Variants in TSPAN7 observed in about 807,000 individuals in gnomAD.
The protein encoded by TSPAN7 is tetraspanin 7.
TSPAN7 carries 1 observed loss-of-function variant against 17.6 expected under a neutral mutation model. That is an observed-to-expected ratio of 0.06 (90% CI 0.02 to 0.27). The LOEUF (loss-of-function observed/expected upper bound fraction) is 0.27, where lower values mean the gene tolerates loss of function less well. Ranked by LOEUF, TSPAN7 falls within the 10% of genes least tolerant of loss-of-function variation. TSPAN7 has a pLI of 1.00. For synonymous variants in TSPAN7, 78 were observed against 79.0 expected (o/e 0.99, Z 0.07); for missense variants, 112 against 201.7 (o/e 0.56, Z 2.69).
intron 1 of TSPAN7, among the ~76,000 whole-genome samples, chrX:38,603,871 T>A (rs1183644371): frequency 9.2e-6 from 1 of 108,929 alleles, no homozygotes; most frequent in East Asian, 2.9e-4. Context: ...TTATTTATTT[T>A]TTATTTTATT....
chrX:38,648,060 C>T (rs978858280), intron 1 of TSPAN7, among the ~76,000 whole-genome samples: 1 of 111,854 alleles, frequency 8.9e-6, no homozygotes, highest in Non-Finnish European at 1.9e-5. Context: ...CACTACTTAG[C>T]TTTCTCTGAG....
intron 1 of TSPAN7, among the ~76,000 whole-genome samples, chrX:38,611,700 A>G (rs758553040): frequency 2.7e-5 from 3 of 111,725 alleles, no homozygotes; most frequent in Non-Finnish European, 5.6e-5. Flanking sequence ...AGATTCTTGT[A>G]CTCTTTGTAA....
At position 38,630,975 on chromosome X, in the gene TSPAN7, A is replaced by G. The variant is rs183505166; in HGVS notation, c.82-35146A>G. Among the ~76,000 whole-genome samples the G allele has an allele frequency of 5.3e-5, 6 of 112,379 alleles. No homozygotes were observed. The East Asian group carries it at 8.3e-4, about 16-fold the overall frequency. On this transcript the variant is annotated intron_variant, in intron 1 of 7. Transcript: ENST00000378482. Reference sequence around the variant, plus strand: ...ATACATTTCTTTGAGTCAAAGAGGGATGGATATATTTTTCCCCTTTAAATT... The same window carrying G: ...ATACATTTCTTTGAGTCAAAGAGGGGTGGATATATTTTTCCCCTTTAAATT...
chrX:38,608,290 T>C (rs2069397059), intron 1 of TSPAN7: 1 of 110,246 alleles, frequency 9.1e-6, no homozygotes, highest in Non-Finnish European at 1.9e-5. Flanking sequence ...CCAAAAAATA[T>C]ATATATATAT....
At chrX:38,578,030 A>G (rs1296762135) in intron 1 of TSPAN7, among the ~76,000 whole-genome samples, 2 of 110,034 alleles carry the variant, frequency 1.8e-5, no homozygotes, top group Non-Finnish European at 3.8e-5. Context: ...CTGAGTGGGT[A>G]TGATTCCTAG....
At chrX:38,608,878 T>G (rs1173310150) in intron 1 of TSPAN7, among the ~76,000 whole-genome samples, 2 of 111,764 alleles carry the variant, frequency 1.8e-5, no homozygotes, top group African/African-American at 6.5e-5. Context: ...TCGCAGATAT[T>G]TTCCCATTTC....
Position 38,633,298 on chromosome X carries a change from A to G in TSPAN7, c.82-32823A>G, listed in dbSNP as rs184830872. Among the ~76,000 whole-genome samples the G allele has an allele frequency of 2.1e-3, 235 of 111,881 alleles. 1 individual carries two copies. Among genetic ancestry groups the G allele is most frequent in the Non-Finnish European group, 3.3e-3 (178 of 53,139 alleles). ...TAGCCGTCAAGTAGTTGTTGAGCAC[A>G]TACTTTGATTAAGGCCTTACAAAGT... On this transcript the variant is annotated intron_variant, in intron 1 of 7. Transcript: ENST00000378482.
At chrX:38,681,688 C>A (rs772383850) in intron 6 of TSPAN7, among the ~76,000 whole-genome samples, 1 of 111,854 alleles carries the variant, frequency 8.9e-6, no homozygotes, top group Non-Finnish European at 1.9e-5. Flanking sequence ...CTATGTATTA[C>A]AGATGAGATC....
chrX:38,645,792 G>A (rs934348722), intron 1 of TSPAN7, among the ~76,000 whole-genome samples: 1 of 111,796 alleles, frequency 8.9e-6, no homozygotes, highest in Non-Finnish European at 1.9e-5. Flanking sequence ...TCTTGGTAGC[G>A]TGCATGGCTG....
chrX:38,585,910 C>T (rs935364555), intron 1 of TSPAN7, among the ~76,000 whole-genome samples: 2 of 112,773 alleles, frequency 1.8e-5, no homozygotes, highest in African/African-American at 6.4e-5. Context: ...AGTCCCTCAC[C>T]AGAAGCAGAT....
intron 1 of TSPAN7, among the ~76,000 whole-genome samples, chrX:38,583,158 A>ATG (rs2069236663): frequency 8.9e-6 from 1 of 112,529 alleles, no homozygotes; most frequent in Non-Finnish European, 1.9e-5. Flanking sequence ...TGTGCTGATA[A>ATG]AAGACCCATT....
chrX:38,663,062 C>T (rs1379858544), intron 1 of TSPAN7, among the ~76,000 whole-genome samples: 1 of 110,201 alleles, frequency 9.1e-6, no homozygotes. Flanking sequence ...AAAAGAAACA[C>T]GTTTATAGCA....
intron 6 of TSPAN7, among the ~76,000 whole-genome samples, chrX:38,684,088 C>G (rs1049292548): frequency 1.2e-4 from 13 of 112,107 alleles, no homozygotes; most frequent in African/African-American, 4.2e-4. Context: ...TTTGCTTGCT[C>G]TTGTGACCTC....
chrX:38,675,663 T>G (rs775871025), intron 4 of TSPAN7, 42 bp from the exon 5 acceptor site: 20 of 1,208,214 alleles, frequency 1.7e-5, no homozygotes, highest in Non-Finnish European at 2.2e-5. Context: ...AGACCACATT[T>G]GATCTGCCAT....
At chrX:38,605,589 G>A (rs1220274826) in intron 1 of TSPAN7, among the ~76,000 whole-genome samples, 1 of 105,697 alleles carries the variant, frequency 9.5e-6, no homozygotes, top group African/African-American at 3.5e-5. Flanking sequence ...CCAAAAAAGA[G>A]CCCGCATCGC....
intron 1 of TSPAN7, among the ~76,000 whole-genome samples, chrX:38,629,635 C>G (rs1255915747): frequency 2.7e-5 from 3 of 111,369 alleles, no homozygotes; most frequent in Non-Finnish European, 5.7e-5. Context: ...TGCTTAGGAC[C>G]AAATATCTAA....
chrX:38,669,917 T>C (rs1024953402), intron 2 of TSPAN7, among the ~76,000 whole-genome samples: 2 of 111,772 alleles, frequency 1.8e-5, no homozygotes, highest in Non-Finnish European at 3.8e-5. Flanking sequence ...ATCAGCAAAA[T>C]GGGAGAGTCT....
chrX:38,607,307 C>T (rs1392760264), intron 1 of TSPAN7, among the ~76,000 whole-genome samples: 1 of 111,784 alleles, frequency 8.9e-6, no homozygotes, highest in African/African-American at 3.2e-5. Flanking sequence ...AAAGATAATC[C>T]AGAGACCTGC....
intron 1 of TSPAN7, among the ~76,000 whole-genome samples, chrX:38,649,663 CA>C (rs1277262649): frequency 9.0e-6 from 1 of 111,556 alleles, no homozygotes; most frequent in Non-Finnish European, 1.9e-5. Flanking sequence ...CCGTTCAGGG[CA>C]AAGGGTTGTG....
Sources: gnomAD v4.1 joint callset for allele counts (sites outside exome capture counted in the v4.1 genomes callset) on GRCh38, gnomAD v4.1.1 for gene constraint, MANE v1.5 for transcripts, NCBI Gene and HGNC (gene_info 2026-07-23, HGNC 2026-07-21) for gene names.